CHRNA7: variants seen among roughly 807,000 people sequenced by gnomAD.
CHRNA7 encodes the protein cholinergic receptor nicotinic alpha 7 subunit.
CHRNA7 carries 17 observed loss-of-function variants against 48.0 expected under a neutral mutation model. The observed-to-expected ratio is 0.35, with a 90% confidence interval of 0.24 to 0.53. The LOEUF (loss-of-function observed/expected upper bound fraction) is 0.53, where lower values mean the gene tolerates loss of function less well. CHRNA7 is among the 20% of genes least tolerant of loss of function. The probability of loss-of-function intolerance (pLI) is 0.92; values close to 1 mark genes in which losing one functional copy is unlikely to be tolerated. For synonymous variants in CHRNA7, 75 were observed against 242.3 expected, an observed-to-expected ratio of 0.31 and a Z score of 6.41; for missense variants, 155 against 577.7, an observed-to-expected ratio of 0.27 and a Z score of 7.50.
At chr15:32,104,524 A>C (rs576102957) in intron 3 of CHRNA7, among the ~76,000 whole-genome samples, 2 of 152,072 alleles carry the variant, frequency 1.3e-5, no homozygotes, top group Admixed American at 6.5e-5. Context: ...TCACTCGTCT[A>C]TCTGTTCATT....
intron 2 of CHRNA7, chr15:32,100,202 T>A (rs2050546858): frequency 6.6e-6 from 1 of 152,080 alleles, no homozygotes; most frequent in Admixed American, 6.5e-5. Context: ...GTCTTTTTTT[T>A]TTTGAAACTT....
At chr15:32,069,831 T>G (rs2050025320) in intron 2 of CHRNA7, among the ~76,000 whole-genome samples, 1 of 152,216 alleles carries the variant, frequency 6.6e-6, no homozygotes, top group South Asian at 2.1e-4. Flanking sequence ...CAAAGCTTCC[T>G]GAATTGTCTG....
chr15:32,114,102 A>G (rs1031107818), intron 4 of CHRNA7, among the ~76,000 whole-genome samples: 1 of 146,892 alleles, frequency 6.8e-6, no homozygotes. Flanking sequence ...ACACACACAT[A>G]TACACACACA....
At chr15:32,045,714 A>G (rs1260149370) in intron 2 of CHRNA7, among the ~76,000 whole-genome samples, 1 of 151,650 alleles carries the variant, frequency 6.6e-6, no homozygotes, top group Non-Finnish European at 1.5e-5. Flanking sequence ...CATGTGCACA[A>G]CGTGCAGGTT....
intron 4 of CHRNA7, among the ~76,000 whole-genome samples, chr15:32,142,102 C>T (rs1240112568): frequency 6.6e-6 from 1 of 152,120 alleles, no homozygotes; most frequent in South Asian, 2.1e-4. Flanking sequence ...CCATCAATAC[C>T]TAGTTTATTG....
chr15:32,167,495 A>C lies in CHRNA7; in HGVS notation c.991-445A>C, dbSNP rs866472608. On this transcript the variant is annotated intron_variant, in intron 9 of 9. Transcript: ENST00000306901. ...GGATATCCTGGGATTGCATTTGAAA[A>C]TGTACAACCTCCCCCAGGCACTCTT... The C allele has an allele frequency of 2.6e-4, 42 of 158,700 alleles. 3 individuals carry two copies. Among genetic ancestry groups the C allele is most frequent in the Middle Eastern group, 2.6e-3 (1 of 386 alleles). The allele number at this position is 158,700 out of a possible 1,614,324, so 9.8% of individuals were successfully genotyped here.
chr15:32,119,878 G>A (rs763431796), intron 4 of CHRNA7, among the ~76,000 whole-genome samples: 5 of 152,078 alleles, frequency 3.3e-5, no homozygotes, highest in African/African-American at 7.2e-5. Flanking sequence ...GGGCTAACTC[G>A]GAGCCCACCT....
chr15:32,088,131 AT>A (rs1190156923), intron 2 of CHRNA7, among the ~76,000 whole-genome samples: 1 of 152,136 alleles, frequency 6.6e-6, no homozygotes, highest in Admixed American at 6.5e-5. Flanking sequence ...CCACTGATAA[AT>A]TTACAGTCTC....
intron 4 of CHRNA7, among the ~76,000 whole-genome samples, chr15:32,117,578 T>C (rs1306856037): frequency 1.3e-5 from 2 of 152,068 alleles, no homozygotes. Flanking sequence ...GTCCTAGGAC[T>C]TGAGGGTCCT....
chr15:32,113,505 C>T (rs796488199), intron 4 of CHRNA7, among the ~76,000 whole-genome samples: 1 of 152,176 alleles, frequency 6.6e-6, no homozygotes, highest in African/African-American at 2.4e-5. Context: ...AAGAAGTCTC[C>T]GTGTTAATTT....
At chr15:32,031,121 G>A (rs898598423) in intron 2 of CHRNA7, 84 bp downstream of exon 2, 1 of 1,553,596 alleles carries the variant, frequency 6.4e-7, no homozygotes, top group Non-Finnish European at 8.8e-7. Flanking sequence ...CGGCCAGGCG[G>A]TGGAGCTCGG....
intron 2 of CHRNA7, among the ~76,000 whole-genome samples, chr15:32,080,866 C>T (rs995564722): frequency 6.6e-6 from 1 of 152,112 alleles, no homozygotes; most frequent in Non-Finnish European, 1.5e-5. Flanking sequence ...TAGCACTATT[C>T]ACAATAGCAA....
intron 2 of CHRNA7, among the ~76,000 whole-genome samples, chr15:32,052,766 A>G (rs754370288): frequency 2.0e-5 from 3 of 152,192 alleles, no homozygotes; most frequent in Non-Finnish European, 4.4e-5. Flanking sequence ...AAAAAGTTAG[A>G]TGAAAGATAT....
intron 4 of CHRNA7, among the ~76,000 whole-genome samples, chr15:32,143,012 GGAT>G (rs2051413566): frequency 6.6e-6 from 1 of 152,000 alleles, no homozygotes; most frequent in Non-Finnish European, 1.5e-5. Context: ...TGCGATGTTA[GGAT>G]GTCAATTTTA....
intron 2 of CHRNA7, among the ~76,000 whole-genome samples, chr15:32,044,764 T>C (rs1291702297): frequency 6.6e-6 from 1 of 152,252 alleles, no homozygotes; most frequent in Non-Finnish European, 1.5e-5. Context: ...AGAAAGATGC[T>C]ACTGACACTT....
At chr15:32,077,005 T>C (rs2050145459) in intron 2 of CHRNA7, among the ~76,000 whole-genome samples, 1 of 152,202 alleles carries the variant, frequency 6.6e-6, no homozygotes, top group Non-Finnish European at 1.5e-5. Flanking sequence ...TTTTCCAGAA[T>C]GTCAGCTCTG....
intron 2 of CHRNA7, among the ~76,000 whole-genome samples, chr15:32,057,679 C>A (rs562868689): frequency 6.6e-6 from 1 of 152,234 alleles, no homozygotes; most frequent in South Asian, 2.1e-4. Context: ...TGTTGACACT[C>A]CTCAACTTTG....
At chr15:32,098,622 A>G (rs73386755) in intron 2 of CHRNA7, 6,947 of 152,354 alleles carry the variant, frequency 0.046, 520 homozygotes, top group African/African-American at 0.16. Context: ...AAGGCTCAGG[A>G]CTGGGTGCAC....
chr15:32,047,572 C>T (rs2049575811), intron 2 of CHRNA7, among the ~76,000 whole-genome samples: 1 of 152,114 alleles, frequency 6.6e-6, no homozygotes. Flanking sequence ...AGATTTTGGG[C>T]TGAGACAATG....
Sources: allele counts gnomAD v4.1 joint callset (sites outside exome capture counted in the v4.1 genomes callset), GRCh38; gene constraint gnomAD v4.1.1; transcripts MANE v1.5; gene names NCBI Gene and HGNC (gene_info 2026-07-23, HGNC 2026-07-21).